Variants in ALDH5A1 observed in about 807,000 individuals in gnomAD.
ALDH5A1 encodes aldehyde dehydrogenase 5 family member A1.
In ALDH5A1, 33 loss-of-function variants were observed where a neutral mutation model predicts 54.7. That is an observed-to-expected ratio of 0.60 (90% CI 0.46 to 0.81). The LOEUF (loss-of-function observed/expected upper bound fraction) is 0.81, where lower values mean the gene tolerates loss of function less well. ALDH5A1 is among the 30% of genes least tolerant of loss of function. The pLI is 0.00. For synonymous variants in ALDH5A1, 294 were observed against 292.7 expected, an observed-to-expected ratio of 1.00 and a Z score of -0.05; for missense variants, 657 against 711.0, an observed-to-expected ratio of 0.92 and a Z score of 0.86.
chr6:24,530,497 C>T (rs1442149762), intron 8 of ALDH5A1, among the ~76,000 whole-genome samples: 1 of 152,190 alleles, frequency 6.6e-6, no homozygotes, highest in Non-Finnish European at 1.5e-5. Flanking sequence ...ACCCCTTGCA[C>T]CGTCGGCAGC....
At chr6:24,514,151 G>A (rs1353082636) in intron 4 of ALDH5A1, among the ~76,000 whole-genome samples, 1 of 152,222 alleles carries the variant, frequency 6.6e-6, no homozygotes, top group Non-Finnish European at 1.5e-5. Context: ...TCCAGATCAG[G>A]TAGCTGTGGG....
chr6:24,500,284 G>A (rs1764794217), intron 1 of ALDH5A1, among the ~76,000 whole-genome samples: 1 of 152,104 alleles, frequency 6.6e-6, no homozygotes, highest in South Asian at 2.1e-4. Flanking sequence ...CTTCTTAAGT[G>A]TGTAAAACCC....
intron 7 of ALDH5A1, among the ~76,000 whole-genome samples, chr6:24,527,377 G>C (rs547411196): frequency 6.6e-6 from 1 of 152,030 alleles, no homozygotes; most frequent in Non-Finnish European, 1.5e-5. Context: ...TTCGAGACCA[G>C]CCTGGCCAAG....
At position 24,503,418 on chromosome 6, in the gene ALDH5A1, T is replaced by C. The variant is rs1759250382; in HGVS notation, c.594T>C (p.Ala198=). Reference sequence around the variant, plus strand: ...TCCTCAAGCAGCCCATAGGCGTGGCTGCAGTCATCACCCCGGTAGGTGACA... The same window carrying C: ...TCCTCAAGCAGCCCATAGGCGTGGCCGCAGTCATCACCCCGGTAGGTGACA... ...ALVLKQPIGV[A]AVITPWNFPS... The change falls in exon 3 of 10, where the codon GCT becomes GCC. Residue 198 remains alanine, a synonymous_variant. Coordinates refer to ENST00000357578, the MANE Select transcript of ALDH5A1 (RefSeq NM_001080.3). The C allele has an allele frequency of 6.2e-7, 1 of 1,612,922 alleles. No homozygotes were observed. Among genetic ancestry groups the C allele is most frequent in the African/African-American group, 1.3e-5 (1 of 74,934 alleles).
chr6:24,515,102 C>CTTTTTTTTTTTTTTTTTTTCT, intron 4 of ALDH5A1, 65 bp from the exon 5 acceptor site: 2 of 927,260 alleles, frequency 2.2e-6, no homozygotes, highest in East Asian at 3.5e-5. Context: ...TTTCTCTTTT[C>CTTTTTTTTTTTTTTTTTTTCT]TTTTTTTTTT....
intron 7 of ALDH5A1, among the ~76,000 whole-genome samples, chr6:24,525,675 C>T (rs192718420): frequency 1.3e-5 from 2 of 151,962 alleles, no homozygotes; most frequent in African/African-American, 4.8e-5. Context: ...ACCAGTGCAC[C>T]CCAGCCCAGC....
At chr6:24,504,773 C>A in intron 3 of ALDH5A1, 96 bp from the exon 4 acceptor site, 1 of 1,211,050 alleles carries the variant, frequency 8.3e-7, no homozygotes, top group Non-Finnish European at 1.2e-6. Context: ...ATCAGTTGTG[C>A]AATGAAATTT....
At chr6:24,501,907 GTGTGTGGGTGTATATATATA>G (rs1764827133) in intron 1 of ALDH5A1, among the ~76,000 whole-genome samples, 2 of 147,466 alleles carry the variant, frequency 1.4e-5, no homozygotes, top group African/African-American at 2.6e-5. Context: ...GTGTGTGTGT[GTGTGTGGGTGTATATATATA>G]TGTGTGTGTG....
chr6:24,512,955 G>T (rs914438609), intron 4 of ALDH5A1, among the ~76,000 whole-genome samples: 4 of 152,206 alleles, frequency 2.6e-5, no homozygotes, highest in African/African-American at 9.6e-5. Flanking sequence ...CTCCTAAAAT[G>T]CTGGGATTAC....
rs752301922 is a variant in ALDH5A1 at position 24,534,605 on chromosome 6, C to A, written c.*893C>A. 5 of 152,208 alleles carry A rather than the reference C, an allele frequency of 3.3e-5. No homozygotes were observed. Among genetic ancestry groups the A allele is most frequent in the Non-Finnish European group, 7.3e-5 (5 of 68,106 alleles). The allele number at this position is 152,208 out of a possible 1,614,324, so 9.4% of individuals were successfully genotyped here. A position where few individuals can be genotyped will look rare whatever the true frequency, so the allele number is the denominator to read the frequency against. On this transcript the variant is annotated 3_prime_UTR_variant, in exon 10 of 10. Coordinates refer to ENST00000357578, the MANE Select transcript of ALDH5A1 (RefSeq NM_001080.3). The stretch of plus-strand genomic sequence containing the variant: ...ACTTAGCTCCTTGCGATACTGTGAG[C>A]CAGAGAGAAAGTAAAAGCACTTCAC...
intron 6 of ALDH5A1, among the ~76,000 whole-genome samples, chr6:24,521,003 A>G (rs994589839): frequency 1.3e-5 from 2 of 152,204 alleles, no homozygotes; most frequent in Non-Finnish European, 2.9e-5. Flanking sequence ...GCCTTGAACA[A>G]TTGGGGTCTC....
rs1254844913 is a variant in ALDH5A1, at chr6:24,503,260, T to G, written c.439-3T>G. ...ACGTGGGTTCTTTTCTGATTTAATT[T>G]AGGGAAAGCCACTGAAGGAGGCACA... On this transcript the variant is annotated splice_region_variant and splice_polypyrimidine_tract_variant and intron_variant, in intron 2 of 9. Transcript: ENST00000357578. The G allele has an allele frequency of 6.2e-7, 1 of 1,613,572 alleles. No homozygotes were observed. The highest frequency in any genetic ancestry group is 2.2e-5 in the East Asian group (1 of 44,892).
intron 5 of ALDH5A1, among the ~76,000 whole-genome samples, chr6:24,519,783 C>T (rs1167298514): frequency 1.3e-5 from 2 of 150,486 alleles, no homozygotes; most frequent in Non-Finnish European, 2.9e-5. Flanking sequence ...GTACATGTAC[C>T]TGAATCTGCA....
chr6:24,529,374 C>A (rs933084466), intron 8 of ALDH5A1, among the ~76,000 whole-genome samples: 3 of 152,014 alleles, frequency 2.0e-5, no homozygotes, highest in Non-Finnish European at 4.4e-5. Context: ...ACCATGTTGG[C>A]CAGGCTGGCC....
intron 4 of ALDH5A1, among the ~76,000 whole-genome samples, chr6:24,512,957 T>C (rs1161743396): frequency 6.6e-6 from 1 of 152,246 alleles, no homozygotes; most frequent in East Asian, 1.9e-4. Flanking sequence ...CCTAAAATGC[T>C]GGGATTACAG....
intron 8 of ALDH5A1, among the ~76,000 whole-genome samples, chr6:24,531,155 T>A (rs971077051): frequency 6.6e-6 from 1 of 152,274 alleles, no homozygotes; most frequent in Non-Finnish European, 1.5e-5. Context: ...TACCGTCTTA[T>A]CCAGGACCAG....
At chr6:24,521,656 C>T (rs1355917499) in intron 6 of ALDH5A1, among the ~76,000 whole-genome samples, 1 of 152,030 alleles carries the variant, frequency 6.6e-6, no homozygotes, top group African/African-American at 2.4e-5. Context: ...TTGGTTTTGT[C>T]TGAAATAAGT....
intron 4 of ALDH5A1, chr6:24,511,837 A>C (rs770697196): frequency 1.8e-6 from 1 of 554,008 alleles, no homozygotes; most frequent in South Asian, 2.9e-5. Flanking sequence ...CAGGTAAATC[A>C]GGGATTTCTT....
intron 5 of ALDH5A1, among the ~76,000 whole-genome samples, chr6:24,519,677 TAGAC>T (rs930846452): frequency 7.2e-5 from 11 of 151,912 alleles, no homozygotes; most frequent in Admixed American, 6.5e-4. Context: ...AATTTTAAGA[TAGAC>T]GTCCCAAATA....
Sources: gnomAD v4.1 joint callset for allele counts (sites outside exome capture counted in the v4.1 genomes callset) on GRCh38, gnomAD v4.1.1 for gene constraint, MANE v1.5 for transcripts, NCBI Gene and HGNC (gene_info 2026-07-23, HGNC 2026-07-21) for gene names.